Variants in FBXO16 observed in about 807,000 individuals in gnomAD.
FBXO16 encodes F-box only protein 16.
In FBXO16, 31 loss-of-function variants were observed where a neutral mutation model predicts 41.0. The observed-to-expected ratio is 0.76, with a 90% CI of 0.57 to 1.02. The LOEUF is 1.02. FBXO16 is among the 50% of genes least tolerant of loss of function. FBXO16 has a pLI of 0.00. For missense variants in FBXO16, 361 were observed against 346.2 expected, an observed-to-expected ratio of 1.04 and a Z score of -0.34; for synonymous variants, 133 against 117.8, an observed-to-expected ratio of 1.13 and a Z score of -0.84.
chr8:28,453,736 CA>C (rs1449817320), intron 5 of FBXO16, among the ~76,000 whole-genome samples: 1 of 151,888 alleles, frequency 6.6e-6, no homozygotes, highest in African/African-American at 2.4e-5. Context: ...AATTCTATTA[CA>C]GGATAACGCT....
intron 1 of FBXO16, among the ~76,000 whole-genome samples, chr8:28,484,308 T>C (rs994705479): frequency 6.6e-6 from 1 of 152,234 alleles, no homozygotes; most frequent in Admixed American, 6.5e-5. Flanking sequence ...GACAGCGTAT[T>C]GAAGAGGTAG....
intron 4 of FBXO16, among the ~76,000 whole-genome samples, chr8:28,459,365 C>G (rs1251290830): frequency 6.6e-6 from 1 of 152,080 alleles, no homozygotes; most frequent in African/African-American, 2.4e-5. Context: ...CGCTTGTAAT[C>G]CCAGCACTTT....
At chr8:28,452,657 C>T (rs984262695) in intron 5 of FBXO16, among the ~76,000 whole-genome samples, 181 bp from the exon 6 acceptor site, 11 of 151,954 alleles carry the variant, frequency 7.2e-5, no homozygotes, top group Admixed American at 2.0e-4. Context: ...AAAAATTAGC[C>T]GGGTGTGGTG....
chr8:28,441,538 C>T (rs1802774530), intron 7 of FBXO16, among the ~76,000 whole-genome samples: 1 of 152,092 alleles, frequency 6.6e-6, no homozygotes, highest in South Asian at 2.1e-4. Context: ...GAGTTTGAGA[C>T]CAGCCTGGCC....
At chr8:28,479,679 G>A (rs1166460349) in intron 2 of FBXO16, among the ~76,000 whole-genome samples, 1 of 152,048 alleles carries the variant, frequency 6.6e-6, no homozygotes, top group Non-Finnish European at 1.5e-5. Context: ...GCAAACAGGT[G>A]CTCAGTAAAT....
chr8:28,449,152 A>T (rs1802911655), intron 6 of FBXO16: 1 of 152,152 alleles, frequency 6.6e-6, no homozygotes, highest in Non-Finnish European at 1.5e-5. Context: ...GGGCGGTGCA[A>T]TCCACAAAAT....
chr8:28,428,783 A>G, intron 8 of FBXO16, 47 bp from the exon 9 acceptor site: 1 of 1,464,248 alleles, frequency 6.8e-7, no homozygotes, highest in Non-Finnish European at 9.0e-7. Context: ...TTGAAATACC[A>G]AGGGAGCTAT....
chr8:28,447,453 C>G lies in FBXO16; in HGVS notation c.741-180G>C, dbSNP rs539003224. The G allele has an allele frequency of 2.7e-5, 15 of 564,468 alleles. No homozygotes were observed. In the African/African-American group the frequency reaches 2.8e-4, roughly 11 times the overall value. The allele number at this position is 564,468 out of a possible 1,614,324, so 35.0% of individuals were successfully genotyped here. A position where few individuals can be genotyped will look rare whatever the true frequency, so the allele number is the denominator to read the frequency against. ...CTGGTTGCATCAACTCCTGCATCTC[C>G]ACACAATGCAGTACTATGAGCTGCA... On this transcript the variant is annotated intron_variant, in intron 6 of 8. Transcript: ENST00000380254.
intron 7 of FBXO16, among the ~76,000 whole-genome samples, chr8:28,434,793 G>A (rs1375300977): frequency 6.6e-6 from 1 of 151,018 alleles, no homozygotes; most frequent in Non-Finnish European, 1.5e-5. Flanking sequence ...GAGTGAGTGA[G>A]TGCGGGACCC....
chr8:28,457,239 T>C (rs1803053623), intron 4 of FBXO16, among the ~76,000 whole-genome samples: 2 of 152,174 alleles, frequency 1.3e-5, no homozygotes, highest in African/African-American at 2.4e-5. Flanking sequence ...ACTCTCATAT[T>C]GTAAATGAGG....
At chr8:28,465,689 G>A (rs900061598) in intron 3 of FBXO16, among the ~76,000 whole-genome samples, 1 of 152,132 alleles carries the variant, frequency 6.6e-6, no homozygotes, top group African/African-American at 2.4e-5. Flanking sequence ...TTGTTTCAGA[G>A]TTACTTTTCT....
intron 2 of FBXO16, among the ~76,000 whole-genome samples, chr8:28,482,553 G>A (rs1002009968): frequency 2.0e-5 from 3 of 151,852 alleles, no homozygotes; most frequent in African/African-American, 7.3e-5. Flanking sequence ...GAAAATAAAC[G>A]TCTTTGTTGT....
chr8:28,453,097 T>A (rs1802982763), intron 5 of FBXO16, among the ~76,000 whole-genome samples: 1 of 152,154 alleles, frequency 6.6e-6, no homozygotes, highest in East Asian at 1.9e-4. Context: ...TGCATTATAT[T>A]GTTTAACCTT....
At chr8:28,438,510 C>G (rs1802717731) in intron 7 of FBXO16, among the ~76,000 whole-genome samples, 1 of 152,146 alleles carries the variant, frequency 6.6e-6, no homozygotes, top group South Asian at 2.1e-4. Flanking sequence ...AGCCACAGCT[C>G]ACCATCAGAT....
chr8:28,476,402 C>G (rs760631440), intron 2 of FBXO16, among the ~76,000 whole-genome samples: 1 of 152,202 alleles, frequency 6.6e-6, no homozygotes, highest in Non-Finnish European at 1.5e-5. Context: ...CTACCCTTGA[C>G]AAGACATATC....
chr8:28,459,010 T>C (rs557953448), intron 4 of FBXO16, among the ~76,000 whole-genome samples: 5 of 152,214 alleles, frequency 3.3e-5, no homozygotes, highest in Non-Finnish European at 7.3e-5. Context: ...GTCTTGCCCA[T>C]GGTCAGTAGT....
At chr8:28,459,378 G>C (rs1314718159) in intron 4 of FBXO16, among the ~76,000 whole-genome samples, 2 of 152,058 alleles carry the variant, frequency 1.3e-5, no homozygotes, top group Non-Finnish European at 2.9e-5. Flanking sequence ...AGCACTTTGA[G>C]AGGCCAAGGC....
At position 28,452,552 on chromosome 8, in the gene FBXO16, G is replaced by A. The variant is rs144465484; in HGVS notation, c.508-76C>T. ...GCGGTGGCTCACGCCTGTAATCCCA[G>A]CACTTTGGGAGGCCAAGGCAGGCGG... On this transcript the variant is annotated intron_variant, in intron 5 of 8. Transcript: ENST00000380254. The A allele has an allele frequency of 2.6e-3, 3,791 of 1,444,590 alleles. 91 individuals are homozygous for A. The African/African-American group carries it at 0.046, about 18-fold the overall frequency. The allele number at this position is 1,444,590 out of a possible 1,614,324, so 89.5% of individuals were successfully genotyped here.
At chr8:28,471,805 C>CAAAAAAAA in intron 3 of FBXO16, among the ~76,000 whole-genome samples, 1 of 23,728 alleles carries the variant, frequency 4.2e-5, no homozygotes, top group African/African-American at 7.8e-5. Context: ...CAGAGAATCT[C>CAAAAAAAA]AAAAAAAAAA....
Sources: gnomAD v4.1 joint callset for allele counts (sites outside exome capture counted in the v4.1 genomes callset) on GRCh38, gnomAD v4.1.1 for gene constraint, MANE v1.5 for transcripts, NCBI Gene and HGNC (gene_info 2026-07-23, HGNC 2026-07-21) for gene names.